Variants in FGD6 observed in about 807,000 individuals in gnomAD.
FGD6 encodes FYVE, RhoGEF and PH domain containing 6.
A neutral mutation model predicts 149.4 loss-of-function variants in FGD6; 90 were observed. That is an observed-to-expected ratio of 0.60 (90% CI 0.51 to 0.72). The LOEUF (loss-of-function observed/expected upper bound fraction) is 0.72, where lower values mean the gene tolerates loss of function less well. Among genes scored for constraint, FGD6 ranks in the 30% least tolerant of loss-of-function variants. The pLI, the probability that FGD6 is intolerant of heterozygous loss-of-function variation, is 0.00. For synonymous variants in FGD6, 527 were observed against 584.0 expected, an observed-to-expected ratio of 0.90 and a Z score of 1.41; for missense variants, 1,437 against 1,684.8, an observed-to-expected ratio of 0.85 and a Z score of 2.57.
At chr12:95,111,763 A>G (rs1051500526) in intron 9 of FGD6, among the ~76,000 whole-genome samples, 1 of 152,180 alleles carries the variant, frequency 6.6e-6, no homozygotes, top group Non-Finnish European at 1.5e-5. Context: ...TGAAGACAGG[A>G]AACTTGTCAG....
chr12:95,174,702 G>A (rs1881079604), intron 2 of FGD6, among the ~76,000 whole-genome samples: 1 of 152,130 alleles, frequency 6.6e-6, no homozygotes, highest in African/African-American at 2.4e-5. Flanking sequence ...GCTGAGGCGG[G>A]TGGATCACGA....
intron 8 of FGD6, chr12:95,126,220 C>A: frequency 8.2e-7 from 1 of 1,216,600 alleles, no homozygotes; most frequent in South Asian, 1.3e-5. Flanking sequence ...GCAGCTGCTG[C>A]TAAATTTCCA....
At chr12:95,152,884 TG>T in intron 4 of FGD6, 41 bp downstream of exon 4, 2 of 1,613,516 alleles carry the variant, frequency 1.2e-6, no homozygotes, top group Non-Finnish European at 1.7e-6. Flanking sequence ...AATGTGCCAA[TG>T]GGGGGAAAAC....
At chr12:95,138,524 G>A (rs373138029) in intron 6 of FGD6, among the ~76,000 whole-genome samples, 3 of 150,214 alleles carry the variant, frequency 2.0e-5, no homozygotes, top group East Asian at 2.0e-4. Context: ...CAGCCTAGGC[G>A]ACAGAGTGAG....
At chr12:95,094,552 G>T in intron 15 of FGD6, 40 bp downstream of exon 15, 1 of 1,427,068 alleles carries the variant, frequency 7.0e-7, no homozygotes. Context: ...TAAAAACTTT[G>T]AAATGCACTG....
At chr12:95,169,310 ATGCT>A (rs1880919702) in intron 3 of FGD6, among the ~76,000 whole-genome samples, 1 of 152,178 alleles carries the variant, frequency 6.6e-6, no homozygotes, top group Non-Finnish European at 1.5e-5. Context: ...GGCTTGGTAA[ATGCT>A]TGAGATGATG....
rs1465824903 is a variant in FGD6, at chr12:95,084,639, G to A, written c.4115C>T (p.Ala1372Val). 1 of 1,571,628 alleles carries A rather than the reference G, an allele frequency of 6.4e-7. No homozygotes were observed. Among genetic ancestry groups the A allele is most frequent in the East Asian group, 2.3e-5 (1 of 43,836 alleles). The change falls in exon 20 of 21, where the codon GCC (alanine) becomes GTC (valine). Residue 1372 changes from alanine to valine, a missense_variant. By Grantham distance (64) the Ala-to-Val change is moderately conservative. Coordinates refer to ENST00000343958, the MANE Select transcript of FGD6 (RefSeq NM_018351.4). Reference protein sequence around the residue: ...LYTYAASEDVAALESQPLLGF... With the variant: ...LYTYAASEDVVALESQPLLGF... Reference sequence around the variant, plus strand: ...TAATAAAGGCTGACTCTCCAAAGCGGCCACGTCCTAATTTAAAAACATACA... The same window carrying A: ...TAATAAAGGCTGACTCTCCAAAGCGACCACGTCCTAATTTAAAAACATACA...
At chr12:95,208,518 C>G (rs1458838497) in intron 2 of FGD6, among the ~76,000 whole-genome samples, 1 of 152,110 alleles carries the variant, frequency 6.6e-6, no homozygotes, top group East Asian at 1.9e-4. Flanking sequence ...AATTTCCTGC[C>G]CCAGGTTTCC....
intron 12 of FGD6, 129 bp downstream of exon 12, chr12:95,107,434 C>T (rs898999228): frequency 1.2e-5 from 9 of 743,704 alleles, no homozygotes; most frequent in African/African-American, 3.5e-5. Context: ...TTAAGTGGTA[C>T]GGCCAGTTCA....
intron 5 of FGD6, among the ~76,000 whole-genome samples, chr12:95,152,478 G>A (rs1880341222): frequency 6.6e-6 from 1 of 152,124 alleles, no homozygotes; most frequent in South Asian, 2.1e-4. Context: ...TCTGTTTCTG[G>A]GAGCTTATTT....
chr12:95,102,253 G>A (rs1360022119), intron 14 of FGD6, among the ~76,000 whole-genome samples: 1 of 151,822 alleles, frequency 6.6e-6, no homozygotes, highest in Non-Finnish European at 1.5e-5. Flanking sequence ...AGACCAGCCT[G>A]GGCAACATGG....
Position 95,172,046 on chromosome 12 carries a change from G to GT in FGD6, c.2586+553dup, listed in dbSNP as rs1555221414. Among the ~76,000 whole-genome samples, 423 of 136,398 alleles carry GT rather than the reference G, an allele frequency of 3.1e-3. 13 individuals are homozygous for GT. In the East Asian group the frequency reaches 0.044, roughly 14 times the overall value. The allele number at this position is 136,398 out of a possible 152,430, so 89.5% of individuals were successfully genotyped here. ...AGGGAACAATTCTAAGGGGGGGGGGGTTGTTATCAAAAAGCAAGCCATTGG... is the reference window on the plus strand; with the variant it reads ...AGGGAACAATTCTAAGGGGGGGGGGGTTTGTTATCAAAAAGCAAGCCATTGG... On this transcript the variant is annotated intron_variant, in intron 3 of 20. Transcript: ENST00000343958.
At chr12:95,121,631 T>C (rs569991391) in intron 8 of FGD6, among the ~76,000 whole-genome samples, 2 of 151,872 alleles carry the variant, frequency 1.3e-5, no homozygotes, top group African/African-American at 4.8e-5. Context: ...GTATATGTAT[T>C]AATGTAGGAA....
chr12:95,149,957 CTA>C (rs945944382), intron 5 of FGD6, among the ~76,000 whole-genome samples: 5 of 142,974 alleles, frequency 3.5e-5, no homozygotes, highest in Non-Finnish European at 7.5e-5. Flanking sequence ...ACATATCATA[CTA>C]TATATTATAT....
At chr12:95,185,681 C>T (rs7971582) in intron 2 of FGD6, among the ~76,000 whole-genome samples, 133,153 of 152,154 alleles carry the variant, frequency 0.88, 58,605 homozygotes, top group African/African-American at 0.96. Context: ...GTCAACATGG[C>T]GAAACCTCGT....
intron 14 of FGD6, among the ~76,000 whole-genome samples, chr12:95,101,978 G>A (rs986244802): frequency 5.3e-5 from 8 of 151,000 alleles, no homozygotes; most frequent in Non-Finnish European, 8.9e-5. Flanking sequence ...ACTTAGCACC[G>A]GCCTTGTTCT....
At chr12:95,213,738 G>GT (rs2056739331) in intron 1 of FGD6, among the ~76,000 whole-genome samples, 1 of 152,174 alleles carries the variant, frequency 6.6e-6, no homozygotes, top group South Asian at 2.1e-4. Flanking sequence ...CTGTTCTAGT[G>GT]TCACAGAAAT....
chr12:95,138,279 C>T (rs562979049), intron 6 of FGD6, among the ~76,000 whole-genome samples: 3 of 151,840 alleles, frequency 2.0e-5, no homozygotes, highest in African/African-American at 2.4e-5. Flanking sequence ...CACGATGGCT[C>T]ACGCCTGTAA....
chr12:95,202,390 AAAAAT>A (rs59414022), intron 2 of FGD6, among the ~76,000 whole-genome samples: 71,174 of 141,416 alleles, frequency 0.5, 17,676 homozygotes, highest in East Asian at 0.57. Context: ...CCATTTCCCA[AAAAAT>A]AAAATAAAAT....
Sources: gnomAD v4.1 joint callset for allele counts (sites outside exome capture counted in the v4.1 genomes callset) on GRCh38, gnomAD v4.1.1 for gene constraint, MANE v1.5 for transcripts, NCBI Gene and HGNC (gene_info 2026-07-23, HGNC 2026-07-21) for gene names.